The following MSI2 variants were observed in gnomAD, a reference collection of about 807,000 sequenced individuals.
MSI2 encodes the protein musashi RNA binding protein 2, also known as RNA-binding protein Musashi homolog 2.
Under a neutral mutation model 45.6 loss-of-function variants are expected in MSI2, and 17 were observed. The ratio of observed to expected loss-of-function variants is 0.37; its 90% CI spans 0.26 to 0.56. The LOEUF is 0.56. Ranked by LOEUF, MSI2 falls within the 20% of genes least tolerant of loss-of-function variation. The probability of loss-of-function intolerance (pLI) is 0.77; values close to 1 mark genes in which losing one functional copy is unlikely to be tolerated. For missense variants in MSI2, 293 were observed against 444.2 expected (o/e 0.66, Z 3.06); for synonymous variants, 156 against 158.2 (o/e 0.99, Z 0.11).
chr17:57,391,255 C>T (rs759887340), intron 5 of MSI2, among the ~76,000 whole-genome samples: 8 of 152,136 alleles, frequency 5.3e-5, no homozygotes, highest in African/African-American at 1.7e-4. Flanking sequence ...AGAAAGGTTG[C>T]GCTGGAGGAG....
At position 57,337,019 on chromosome 17, in the gene MSI2, C is replaced by T. The variant is rs146647597; in HGVS notation, c.313-64360C>T. On this transcript the variant is annotated intron_variant, in intron 5 of 13. Coordinates refer to ENST00000284073, the MANE Select transcript of MSI2 (RefSeq NM_138962.4). ...TTGCAGGGTTGTTTGCTGGAGGTCT[C>T]GGCCACTCTCCATGTGGGGCCCTCC... 1.7e-4 allele frequency among the ~76,000 whole-genome samples: 26 copies of T among 152,258 alleles called. No individual in the cohort carries two copies. In the East Asian group the frequency reaches 2.3e-3, roughly 14 times the overall value.
intron 5 of MSI2, among the ~76,000 whole-genome samples, chr17:57,273,486 T>C (rs767342019): frequency 7.2e-6 from 1 of 139,170 alleles, no homozygotes; most frequent in Admixed American, 7.8e-5. Flanking sequence ...TTTTTTCTTT[T>C]ACTGGATTCA....
rs148717871 is a variant in MSI2, at chr17:57,371,532, T to G, written c.313-29847T>G. 5.6e-3 allele frequency among the ~76,000 whole-genome samples: 593 copies of G among 105,404 alleles called. 2 individuals are homozygous for G. Among genetic ancestry groups the G allele is most frequent in the African/African-American group, 0.022 (565 of 26,098 alleles). 69.1% of individuals were successfully genotyped at this position (105,404 alleles called of 152,430 possible). Reference sequence around the variant, plus strand: ...GCAAAAAAAAAAAAGGGCAAAAAATTATATAGAGACACAGGTATACACACA... The same window carrying G: ...GCAAAAAAAAAAAAGGGCAAAAAATGATATAGAGACACAGGTATACACACA... On this transcript the variant is annotated intron_variant, in intron 5 of 13. Transcript: ENST00000284073.
At chr17:57,635,644 CAGGGGCAGCACAGCTCCCCAGGCAG>C (rs746695863) in intron 10 of MSI2, among the ~76,000 whole-genome samples, 82 of 152,278 alleles carry the variant, frequency 5.4e-4, no homozygotes, top group Non-Finnish European at 1.1e-3. Context: ...GTGCAAACGG[CAGGGGCAGCACAGCTCCCCAGGCAG>C]GGAGACCCTT....
intron 5 of MSI2, among the ~76,000 whole-genome samples, chr17:57,332,040 C>T (rs1914317465): frequency 6.6e-6 from 1 of 151,764 alleles, no homozygotes; most frequent in Admixed American, 6.6e-5. Flanking sequence ...GGTCCTCTCC[C>T]AGGCACTGAT....
chr17:57,549,059 A>G (rs543249109), intron 7 of MSI2, among the ~76,000 whole-genome samples: 10 of 152,150 alleles, frequency 6.6e-5, no homozygotes, highest in Non-Finnish European at 1.5e-4. Context: ...TGTTTTTTAA[A>G]AGGCTTGGTC....
intron 7 of MSI2, among the ~76,000 whole-genome samples, chr17:57,559,915 G>A (rs959679904): frequency 6.6e-6 from 1 of 152,242 alleles, no homozygotes; most frequent in Non-Finnish European, 1.5e-5. Context: ...GACCTGGGCC[G>A]GGCCACCTGT....
At chr17:57,505,372 G>A (rs926742760) in intron 6 of MSI2, among the ~76,000 whole-genome samples, 3 of 152,110 alleles carry the variant, frequency 2.0e-5, no homozygotes, top group Admixed American at 6.5e-5. Flanking sequence ...GTTACAGAGA[G>A]GGGGTAGAGC....
chr17:57,389,533 A>G (rs1261585617), intron 5 of MSI2, among the ~76,000 whole-genome samples: 1 of 152,112 alleles, frequency 6.6e-6, no homozygotes, highest in Non-Finnish European at 1.5e-5. Flanking sequence ...GCTCTACCAT[A>G]CTAGAACTAA....
chr17:57,419,575 T>C (rs1007891732), intron 6 of MSI2, among the ~76,000 whole-genome samples: 1 of 151,346 alleles, frequency 6.6e-6, no homozygotes, highest in African/African-American at 2.4e-5. Flanking sequence ...GATTTCACCA[T>C]GTTGGCCAGG....
At chr17:57,331,402 T>C (rs560295281) in intron 5 of MSI2, among the ~76,000 whole-genome samples, 1 of 152,232 alleles carries the variant, frequency 6.6e-6, no homozygotes, top group Non-Finnish European at 1.5e-5. Flanking sequence ...AGCTTGGGTT[T>C]TCAGTAACTT....
chr17:57,392,969 G>A (rs1329316272), intron 5 of MSI2, among the ~76,000 whole-genome samples: 1 of 151,960 alleles, frequency 6.6e-6, no homozygotes, highest in Non-Finnish European at 1.5e-5. Flanking sequence ...ACAGATATGT[G>A]CACCCATCAC....
chr17:57,376,031 C>T (rs934121703), intron 5 of MSI2, among the ~76,000 whole-genome samples: 1 of 152,142 alleles, frequency 6.6e-6, no homozygotes, highest in African/African-American at 2.4e-5. Context: ...GAAGATTTCT[C>T]GCTTTAGGTG....
At chr17:57,495,791 CCT>C in intron 6 of MSI2, among the ~76,000 whole-genome samples, 2 of 152,286 alleles carry the variant, frequency 1.3e-5, no homozygotes, top group East Asian at 3.9e-4. Flanking sequence ...ATCCCAGCGC[CCT>C]GAGTGAGGAA....
chr17:57,474,483 G>A (rs1396655697), intron 6 of MSI2, among the ~76,000 whole-genome samples: 1 of 152,050 alleles, frequency 6.6e-6, no homozygotes, highest in South Asian at 2.1e-4. Context: ...AGGAAGTTGC[G>A]CAGCATCTCT....
chr17:57,396,290 G>A (rs1286763861), intron 5 of MSI2, among the ~76,000 whole-genome samples: 1 of 151,678 alleles, frequency 6.6e-6, no homozygotes, highest in Admixed American at 6.6e-5. Flanking sequence ...AATATCTTTA[G>A]GCCAGTGCTG....
intron 11 of MSI2, among the ~76,000 whole-genome samples, chr17:57,664,535 A>G (rs1912231196): frequency 6.6e-6 from 1 of 152,170 alleles, no homozygotes; most frequent in Non-Finnish European, 1.5e-5. Context: ...GGGAAAAAAA[A>G]AGAAAAAAGA....
intron 11 of MSI2, among the ~76,000 whole-genome samples, chr17:57,658,973 C>T (rs1471362957): frequency 6.6e-6 from 1 of 152,152 alleles, no homozygotes; most frequent in Non-Finnish European, 1.5e-5. Context: ...GATCAACCTG[C>T]AGGTTGGTGA....
chr17:57,618,136 C>G (rs1288988099), intron 9 of MSI2: 2 of 151,622 alleles, frequency 1.3e-5, no homozygotes, highest in Non-Finnish European at 2.9e-5. Flanking sequence ...CACCTATGGC[C>G]TCAGCTACCC....
Sources: gnomAD v4.1 joint callset for allele counts (sites outside exome capture counted in the v4.1 genomes callset) on GRCh38, gnomAD v4.1.1 for gene constraint, MANE v1.5 for transcripts, NCBI Gene and HGNC (gene_info 2026-07-23, HGNC 2026-07-21) for gene names.